The following ABCA10 variants were observed in gnomAD, a reference collection of about 807,000 sequenced individuals.
ABCA10 encodes ATP-binding cassette sub-family A member 10.
Under a neutral mutation model 187.5 loss-of-function variants are expected in ABCA10, and 169 were observed. The observed-to-expected ratio is 0.90, with a 90% confidence interval of 0.80 to 1.02. The LOEUF (loss-of-function observed/expected upper bound fraction) is 1.02. ABCA10 is among the 50% of genes least tolerant of loss of function. The pLI, the probability that ABCA10 is intolerant of heterozygous loss-of-function variation, is 0.00. For missense variants in ABCA10, 1,727 were observed against 1,812.4 expected (o/e 0.95, Z 0.86); for synonymous variants, 574 against 601.8 (o/e 0.95, Z 0.68).
In ABCA10 at chr17:69,191,188, T is replaced by C. The variant is rs748250405; in HGVS notation, c.1999A>G (p.Asn667Asp). The C allele has an allele frequency of 6.3e-7, 1 of 1,593,390 alleles. No homozygotes were observed. Among genetic ancestry groups the C allele is most frequent in the Admixed American group, 1.7e-5 (1 of 58,006 alleles). The change falls in exon 17 of 39, where the codon AAC becomes GAC. Residue 667 changes from asparagine to aspartate, a missense_variant. By Grantham distance (23) the Asn-to-Asp change is conservative. Transcript: ENST00000690296. ...CACAGTAAGTTACCTGGAAATTTGTTCGTTTTTTCCAAAGGCAAACTATAT... is the reference window on the plus strand; with the variant it reads ...CACAGTAAGTTACCTGGAAATTTGTCCGTTTTTTCCAAAGGCAAACTATAT... The part of the protein sequence containing the change: ...LVYSLPLEKT[N>D]KFPDLYSDLD...
At chr17:69,242,531 C>G (rs1377915443) in intron 1 of ABCA10, among the ~76,000 whole-genome samples, 2 of 152,194 alleles carry the variant, frequency 1.3e-5, no homozygotes, top group Non-Finnish European at 2.9e-5. Flanking sequence ...GTGGCGCGAT[C>G]TTGGCTCACT....
rs558864058 is a variant in ABCA10 at position 69,165,063 on chromosome 17, T to C, written c.3183A>G (p.Thr1061=). The C allele has an allele frequency of 1.7e-5, 26 of 1,573,816 alleles. No homozygotes were observed. The highest frequency in any genetic ancestry group is 1.7e-4 in the Middle Eastern group (1 of 5,974). The change falls in exon 26 of 39, where the codon ACA becomes ACG. Residue 1061 remains threonine, a synonymous_variant. Coordinates refer to ENST00000690296, the MANE Select transcript of ABCA10 (RefSeq NM_001377321.1). ...GFFIILICVS[T]IMVSTQYEKL... ...TTTCATATTGAGTTGATACCATAAT[T>C]GTGGATACACATATTAAGATCTAGA...
intron 38 of ABCA10, 34 bp downstream of exon 38, chr17:69,148,999 C>T: frequency 6.2e-7 from 1 of 1,613,666 alleles, no homozygotes; most frequent in Non-Finnish European, 8.5e-7. Flanking sequence ...CAGAGGTCAT[C>T]TGGATGGTGC....
intron 25 of ABCA10, among the ~76,000 whole-genome samples, chr17:69,168,682 C>G (rs2074272781): frequency 6.6e-6 from 1 of 152,186 alleles, no homozygotes; most frequent in African/African-American, 2.4e-5. Flanking sequence ...TTGTAGCTCC[C>G]ATAATTCCCA....
intron 6 of ABCA10, among the ~76,000 whole-genome samples, 160 bp from the exon 7 acceptor site, chr17:69,216,518 TCTCTCA>T (rs2074706807): frequency 6.6e-6 from 1 of 152,184 alleles, no homozygotes; most frequent in Admixed American, 6.5e-5. Context: ...TTATTTATCT[TCTCTCA>T]CTCTCATCTG....
upstream of ABCA10, among the ~76,000 whole-genome samples, chr17:69,230,882 CTT>C (rs1021009651): frequency 6.6e-6 from 1 of 152,008 alleles, no homozygotes; most frequent in African/African-American, 2.4e-5. Flanking sequence ...ATTACAATCT[CTT>C]CTCTCCTTCC....
chr17:69,236,351 G>A (rs943705753), intron 1 of ABCA10, among the ~76,000 whole-genome samples: 1 of 152,200 alleles, frequency 6.6e-6, no homozygotes. Context: ...AACTTCACAT[G>A]TAAGAAGATA....
chr17:69,211,360 T>TATATATATAC (rs1555663047), intron 9 of ABCA10, among the ~76,000 whole-genome samples: 1 of 30,478 alleles, frequency 3.3e-5, no homozygotes, highest in Non-Finnish European at 8.4e-5. Context: ...TATATATATA[T>TATATATATAC]ACACACACAC....
intron 22 of ABCA10, among the ~76,000 whole-genome samples, chr17:69,177,974 A>ATATATATATATATATGT (rs1491332081): frequency 9.9e-6 from 1 of 100,824 alleles, no homozygotes; most frequent in Non-Finnish European, 2.1e-5. Context: ...AAAAAAAAAA[A>ATATATATATATATATGT]TATATATATA....
At position 69,182,271 on chromosome 17, in the gene ABCA10, G is replaced by A. The variant is rs751033366; in HGVS notation, c.2651C>T (p.Ala884Val). The change falls in exon 22 of 39, where the codon GCG becomes GTG. Residue 884 changes from alanine (A) to valine (V), a missense_variant. Physicochemically the swap from Ala to Val is moderately conservative, Grantham distance 64 (BLOSUM62 0). Coordinates refer to ENST00000690296, the MANE Select transcript of ABCA10 (RefSeq NM_001377321.1). ...GDQKDYRFSV[A>V]CNTKKLNCFP... ...ACAATTCAATTTCTTGGTATTACACGCAACAGAAAATCTGTAATCCTTGAA... is the reference window on the plus strand; with the variant it reads ...ACAATTCAATTTCTTGGTATTACACACAACAGAAAATCTGTAATCCTTGAA... The A allele has an allele frequency of 2.5e-5, 39 of 1,549,272 alleles. No homozygotes were observed. Among genetic ancestry groups the A allele is most frequent in the African/African-American group, 6.9e-5 (5 of 72,088 alleles).
At chr17:69,199,794 G>A (rs4968853) in intron 10 of ABCA10, among the ~76,000 whole-genome samples, 11,091 of 152,128 alleles carry the variant, frequency 0.073, 540 homozygotes, top group Admixed American at 0.15. Flanking sequence ...TGACAAAAGA[G>A]GAAATAATAT....
At chr17:69,212,527 TTGA>T (rs2074668738) in intron 9 of ABCA10, among the ~76,000 whole-genome samples, 1 of 152,220 alleles carries the variant, frequency 6.6e-6, no homozygotes, top group Non-Finnish European at 1.5e-5. Flanking sequence ...ACTTTCTATC[TTGA>T]TGACCTGTTC....
At position 69,155,798 on chromosome 17, in the gene ABCA10, T is replaced by C. The variant is rs1241200235; in HGVS notation, c.3576+7A>G. 1.9e-6 allele frequency: 3 copies of C among 1,613,326 alleles called. No individual in the cohort carries two copies. Among genetic ancestry groups the C allele is most frequent in the East Asian group, 2.2e-5 (1 of 44,852 alleles). On this transcript the variant is annotated splice_region_variant and intron_variant, in intron 29 of 38. Coordinates refer to ENST00000690296, the MANE Select transcript of ABCA10 (RefSeq NM_001377321.1). ...ATTTTATTAAGGGTCTAATCCCTGC[T>C]GTTCACCTCCTCCAAGTTTGGAGCA...
chr17:69,179,777 G>A (rs1336193967), intron 22 of ABCA10, among the ~76,000 whole-genome samples: 1 of 152,066 alleles, frequency 6.6e-6, no homozygotes, highest in African/African-American at 2.4e-5. Flanking sequence ...TGCTACCATT[G>A]AGGGGAAAAC....
upstream of ABCA10, among the ~76,000 whole-genome samples, chr17:69,230,904 T>C (rs2074827971): frequency 6.6e-6 from 1 of 152,178 alleles, no homozygotes; most frequent in Non-Finnish European, 1.5e-5. Context: ...CATCTTTCTT[T>C]ACATATGACT....
Position 69,216,355 on chromosome 17 carries a change from G to A in ABCA10, c.534C>T (p.Leu178=), listed in dbSNP as rs1182302285. 5 of 1,610,896 alleles carry A rather than the reference G, an allele frequency of 3.1e-6. No homozygotes were observed. The highest frequency in any genetic ancestry group is 4.2e-6 in the Non-Finnish European group (5 of 1,178,642). Residue 178 remains leucine (L), a synonymous_variant, in exon 7 of 39, where the codon CTC becomes CTT. Transcript: ENST00000690296. Reference sequence around the variant, plus strand: ...AGCAAATGTATGTCAATCCCCAGGAGAGCCTATAGTAGAAACAAGGTGTTA... The same window carrying A: ...AGCAAATGTATGTCAATCCCCAGGAAAGCCTATAGTAGAAACAAGGTGTTA... ...VMGLRESAFW[L]SWGLTYICFI...
At position 69,148,918 on chromosome 17, in the gene ABCA10, A is replaced by G; in HGVS notation, c.4541T>C (p.Leu1514Ser). The G allele has an allele frequency of 6.2e-7, 1 of 1,613,420 alleles. No homozygotes were observed. Among genetic ancestry groups the G allele is most frequent in the East Asian group, 2.2e-5 (1 of 44,862 alleles). Residue 1514 changes from leucine (L) to serine (S), a missense_variant, in exon 39 of 39, where the codon TTA becomes TCA. By Grantham distance (145) the Leu-to-Ser change is moderately radical. Transcript: ENST00000690296. ...CAGCTCCTGCTCTTTACAGAGTTCT[A>G]AGAATACCTAAGTAAGAGAAAATAA... ...LSQATLEQVF[L>S]ELCKEQELGN... is the part of the protein sequence containing the mutation.
intron 27 of ABCA10, among the ~76,000 whole-genome samples, chr17:69,157,380 C>T (rs973415739): frequency 4.6e-5 from 7 of 152,162 alleles, no homozygotes; most frequent in African/African-American, 1.7e-4. Flanking sequence ...AGATAGGTCA[C>T]TCTTTCTCTA....
chr17:69,221,910 A>G lies in ABCA10; in HGVS notation c.200-15T>C. The G allele has an allele frequency of 1.3e-6, 2 of 1,572,294 alleles. No homozygotes were observed. Among genetic ancestry groups the G allele is most frequent in the South Asian group, 1.2e-5 (1 of 86,044 alleles). ...CCAACAGTGTTCTTTAAGGAAGAAGAAAAACATGTCCATAGTTATATAATG... is the reference window on the plus strand; with the variant it reads ...CCAACAGTGTTCTTTAAGGAAGAAGGAAAACATGTCCATAGTTATATAATG... On this transcript the variant is annotated splice_polypyrimidine_tract_variant and intron_variant, in intron 4 of 38. Transcript: ENST00000690296.
Sources: gnomAD v4.1 joint callset for allele counts (sites outside exome capture counted in the v4.1 genomes callset) on GRCh38, gnomAD v4.1.1 for gene constraint, MANE v1.5 for transcripts, NCBI Gene and HGNC (gene_info 2026-07-23, HGNC 2026-07-21) for gene names.